The following FAM163B variants were observed in gnomAD, a reference collection of about 807,000 sequenced individuals.
The protein encoded by FAM163B is family with sequence similarity 163 member B.
In FAM163B, 4 loss-of-function variants were observed where a neutral mutation model predicts 7.6. That is an observed-to-expected ratio of 0.52 (90% CI 0.26 to 1.20). The LOEUF (loss-of-function observed/expected upper bound fraction) is 1.20. FAM163B is among the 50% of genes most tolerant of loss of function. The probability of loss-of-function intolerance (pLI) is 0.14; values close to 1 mark genes in which losing one functional copy is unlikely to be tolerated. For synonymous variants in FAM163B, 120 were observed against 111.6 expected (o/e 1.07, Z -0.47); for missense variants, 250 against 243.0 (o/e 1.03, Z -0.19).
At chr9:133,603,029 T>A (rs532745021) in intron 1 of FAM163B, among the ~76,000 whole-genome samples, 1 of 152,062 alleles carries the variant, frequency 6.6e-6, no homozygotes, top group Non-Finnish European at 1.5e-5. Context: ...GCCCAAGAGG[T>A]TGGCCCAGGG....
intron 1 of FAM163B, among the ~76,000 whole-genome samples, chr9:133,604,816 T>C (rs1210642111): frequency 1.3e-5 from 2 of 152,098 alleles, no homozygotes; most frequent in Admixed American, 6.6e-5. Flanking sequence ...CGATTTCAGA[T>C]TGATGTCTAT....
rs1305996374 is a variant in FAM163B, at chr9:133,579,177, TCAGC to T, written c.342_345del (p.Leu115ThrfsTer11). 2 of 1,611,692 alleles carry T rather than the reference TCAGC, an allele frequency of 1.2e-6. No homozygotes were observed. The highest frequency in any genetic ancestry group is 3.3e-5 in the Admixed American group (2 of 60,008). On this transcript the variant is annotated frameshift_variant, in exon 3 of 3. Transcript: ENST00000673969. LOFTEE classifies it high-confidence loss of function. ...TTGTAGAGCACGCGCTCCCCGCCGT[TCAGC>T]ACGTCCTCTTCCTCCTCCGGCGGCT...
chr9:133,594,892 C>A (rs1831608365), intron 1 of FAM163B, among the ~76,000 whole-genome samples: 1 of 152,060 alleles, frequency 6.6e-6, no homozygotes, highest in African/African-American at 2.4e-5. Context: ...CAAGGCAGGA[C>A]CTGGAGAAGC....
intron 1 of FAM163B, among the ~76,000 whole-genome samples, chr9:133,592,772 C>T (rs569567349): frequency 1.3e-5 from 2 of 152,280 alleles, no homozygotes; most frequent in South Asian, 2.1e-4. Flanking sequence ...CCACCCAGGC[C>T]GGCGGGGGGG....
chr9:133,588,610 T>TCTA (rs1831479042), intron 1 of FAM163B, among the ~76,000 whole-genome samples: 1 of 152,216 alleles, frequency 6.6e-6, no homozygotes, highest in Non-Finnish European at 1.5e-5. Context: ...GGATCTAGGA[T>TCTA]GCTGAAGGAT....
chr9:133,598,294 C>G (rs1001608165), intron 1 of FAM163B, among the ~76,000 whole-genome samples: 1 of 151,904 alleles, frequency 6.6e-6, no homozygotes, highest in Non-Finnish European at 1.5e-5. Context: ...TCTGAGCGAG[C>G]ATGGGGTGGA....
In FAM163B at chr9:133,579,272, G is replaced by C; in HGVS notation, c.251C>G (p.Ser84Cys). Residue 84 changes from serine (S) to cysteine (C), a missense_variant, in exon 3 of 3, where the codon TCC (serine) becomes TGC (cysteine). Transcript: ENST00000673969. Reference protein sequence around the residue: ...PTASTSFSQKSPQARALCRSC... With the variant: ...PTASTSFSQKCPQARALCRSC... ...GCGGCAGAGGGCGCGGGCCTGCGGG[G>C]ACTTCTGGCTGAAGGAGGTGGAGGC... 6.2e-7 allele frequency: 1 copy of C among 1,613,016 alleles called. No individual in the cohort carries two copies. Among genetic ancestry groups the C allele is most frequent in the Non-Finnish European group, 8.5e-7 (1 of 1,179,884 alleles).
chr9:133,579,439 G>C lies in FAM163B; in HGVS notation c.94-10C>G, dbSNP rs1403187679. On this transcript the variant is annotated splice_polypyrimidine_tract_variant and intron_variant, in intron 2 of 2. Transcript: ENST00000673969. ...TCTTGCAGCAGTAGTACTGCGGGCAGAGGGACGGTGACCATGCGGCCGCCC... is the reference window on the plus strand; with the variant it reads ...TCTTGCAGCAGTAGTACTGCGGGCACAGGGACGGTGACCATGCGGCCGCCC... The C allele has an allele frequency of 5.1e-6, 8 of 1,580,122 alleles. No individual in the cohort carries two copies. The East Asian group carries it at 1.6e-4, about 32-fold the overall frequency.
rs932983641 is a variant in FAM163B at position 133,579,383 on chromosome 9, G to C, written c.140C>G (p.Pro47Arg). 1.9e-6 allele frequency: 3 copies of C among 1,611,248 alleles called. No homozygotes were observed. Among genetic ancestry groups the C allele is most frequent in the Non-Finnish European group, 1.7e-6 (2 of 1,179,238 alleles). ...CAGGTGCGAGTGAACGGCGAAGTCT[G>C]GTTCCTCCTCGTCCTCCTCCGACTC... Reference protein sequence around the residue: ...KDESEEDEEEPDFAVHSHLPP... With the variant: ...KDESEEDEEERDFAVHSHLPP... Residue 47 changes from proline (P) to arginine (R), a missense_variant, in exon 3 of 3, where the codon CCA (proline) becomes CGA (arginine). Coordinates refer to ENST00000673969, the MANE Select transcript of FAM163B (RefSeq NM_001080515.3).
intron 2 of FAM163B, among the ~76,000 whole-genome samples, 181 bp downstream of exon 2, chr9:133,579,950 G>A (rs367985953): frequency 3.3e-5 from 5 of 152,300 alleles, no homozygotes; most frequent in East Asian, 1.9e-4. Context: ...GGAGTCAGGC[G>A]CATCTTACTG....
At chr9:133,584,657 C>T (rs1267083369) in intron 1 of FAM163B, among the ~76,000 whole-genome samples, 1 of 152,200 alleles carries the variant, frequency 6.6e-6, no homozygotes, top group Non-Finnish European at 1.5e-5. Context: ...CTTGGCTGCT[C>T]AGGGTGGTAA....
rs534382587 is a variant in FAM163B, at chr9:133,579,163, G to T, written c.360C>A (p.Arg120=). 2 of 1,610,570 alleles carry T rather than the reference G, an allele frequency of 1.2e-6. No individual in the cohort carries two copies. The highest frequency in any genetic ancestry group is 1.7e-6 in the Non-Finnish European group (2 of 1,179,792). ...CCTGGCTCACGCTCTTGTAGAGCAC[G>T]CGCTCCCCGCCGTTCAGCACGTCCT... ...EEEDVLNGGE[R]VLYKSVSQED... is the part of the protein sequence containing the mutation. Residue 120 remains arginine (R), a synonymous_variant, in exon 3 of 3, where the codon CGC becomes CGA. Transcript: ENST00000673969.
chr9:133,586,606 G>T (rs1458307597), intron 1 of FAM163B, among the ~76,000 whole-genome samples: 1 of 152,208 alleles, frequency 6.6e-6, no homozygotes, highest in African/African-American at 2.4e-5. Flanking sequence ...CTTAGGGTCT[G>T]TGGTTCACTG....
Position 133,579,365 on chromosome 9 carries a change from G to A in FAM163B, c.158C>T (p.Ser53Leu), listed in dbSNP as rs908968896. 34 of 1,612,384 alleles carry A rather than the reference G, an allele frequency of 2.1e-5. No homozygotes were observed. The highest frequency in any genetic ancestry group is 2.4e-5 in the Non-Finnish European group (28 of 1,179,622). ...GTTGGAGTGCAGCGGGGGCAGGTGCGAGTGAACGGCGAAGTCTGGTTCCTC... is the reference window on the plus strand; with the variant it reads ...GTTGGAGTGCAGCGGGGGCAGGTGCAAGTGAACGGCGAAGTCTGGTTCCTC... ...DEEEPDFAVH[S>L]HLPPLHSNRN... Residue 53 changes from serine to leucine, a missense_variant, in exon 3 of 3, where the codon TCG becomes TTG. Transcript: ENST00000673969.
intron 1 of FAM163B, among the ~76,000 whole-genome samples, chr9:133,587,730 G>T (rs1487495921): frequency 6.6e-5 from 10 of 152,148 alleles, no homozygotes; most frequent in East Asian, 5.8e-4. Context: ...TCCCCGACGG[G>T]TGTGGCTGGG....
intron 1 of FAM163B, among the ~76,000 whole-genome samples, chr9:133,596,179 G>T (rs1218015745): frequency 1.3e-5 from 2 of 152,138 alleles, no homozygotes; most frequent in Admixed American, 1.3e-4. Flanking sequence ...AATAGGGCTT[G>T]TTGGTGGTTT....
intron 1 of FAM163B, among the ~76,000 whole-genome samples, chr9:133,581,123 G>A (rs1831349404): frequency 6.6e-6 from 1 of 152,228 alleles, no homozygotes; most frequent in African/African-American, 2.4e-5. Flanking sequence ...GGAGGCTGGA[G>A]TGATGCTGTC....
intron 1 of FAM163B, among the ~76,000 whole-genome samples, chr9:133,588,458 C>T (rs1390336709): frequency 6.8e-6 from 1 of 148,126 alleles, no homozygotes; most frequent in East Asian, 2.0e-4. Context: ...GGCTCCAGGT[C>T]CTGCTTGCCC....
intron 1 of FAM163B, among the ~76,000 whole-genome samples, chr9:133,608,854 C>T (rs1831820002): frequency 6.6e-6 from 1 of 152,240 alleles, no homozygotes; most frequent in South Asian, 2.1e-4. Flanking sequence ...CCCACCTCTC[C>T]CTTAGGCCCT....
Sources: gnomAD v4.1 joint callset for allele counts (sites outside exome capture counted in the v4.1 genomes callset) on GRCh38, gnomAD v4.1.1 for gene constraint, MANE v1.5 for transcripts, NCBI Gene and HGNC (gene_info 2026-07-23, HGNC 2026-07-21) for gene names.